The following SPG11 variants were observed in gnomAD, a reference collection of about 807,000 sequenced individuals.
The protein encoded by SPG11 is SPG11 vesicle trafficking associated, spatacsin, also known as spatacsin.
In SPG11, 222 loss-of-function variants were observed where a neutral mutation model predicts 274.0. The observed-to-expected ratio is 0.81, with a 90% CI of 0.73 to 0.91. The LOEUF (loss-of-function observed/expected upper bound fraction) is 0.91. Among genes scored for constraint, SPG11 ranks in the 40% least tolerant of loss-of-function variants. The pLI, the probability that SPG11 is intolerant of heterozygous loss-of-function variation, is 0.00. For missense variants in SPG11, 3,114 were observed against 2,872.7 expected, an observed-to-expected ratio of 1.08 and a Z score of -1.92; for synonymous variants, 1,144 against 1,039.7, an observed-to-expected ratio of 1.10 and a Z score of -1.93.
At chr15:44,657,710 G>C (rs1023722430) in intron 3 of SPG11, among the ~76,000 whole-genome samples, 1 of 152,134 alleles carries the variant, frequency 6.6e-6, no homozygotes, top group African/African-American at 2.4e-5. Context: ...TTTACTTAGA[G>C]CACATCTTAA....
chr15:44,585,960 G>A, intron 28 of SPG11, 110 bp from the exon 29 acceptor site: 1 of 834,092 alleles, frequency 1.2e-6, no homozygotes, highest in South Asian at 1.5e-5. Context: ...ATAGTAATGT[G>A]GTTAAAGGAA....
chr15:44,636,925 CAAAAAAAAAAAAAAAAA>C (rs370928375), intron 7 of SPG11, among the ~76,000 whole-genome samples: 1 of 19,454 alleles, frequency 5.1e-5, no homozygotes, highest in Non-Finnish European at 8.0e-5. Context: ...GACTCCATCT[CAAAAAAAAAAAAAAAAA>C]AAAAAAAAAA....
Position 44,566,311 on chromosome 15 carries a change from G to C in SPG11, c.6755-6C>G, listed in dbSNP as rs2140914474. The C allele has an allele frequency of 6.2e-7, 1 of 1,613,562 alleles. No individual in the cohort carries two copies. The highest frequency in any genetic ancestry group is 1.7e-5 in the Admixed American group (1 of 59,994). ...CCCATCCTTGAGGCTGTCCTCTGTA[G>C]GGGAAATAAAGAAGATTTGCCGAGT... is the stretch of plus-strand genomic sequence containing the variant. On this transcript the variant is annotated splice_region_variant and splice_polypyrimidine_tract_variant and intron_variant, in intron 36 of 39. Transcript: ENST00000261866.
intron 29 of SPG11, among the ~76,000 whole-genome samples, chr15:44,585,234 T>C (rs1280133321): frequency 1.3e-5 from 2 of 152,008 alleles, no homozygotes; most frequent in African/African-American, 4.8e-5. Flanking sequence ...CTATAAATTA[T>C]ACATCTCATT....
intron 20 of SPG11, among the ~76,000 whole-genome samples, chr15:44,603,494 A>C (rs1272929676): frequency 6.6e-6 from 1 of 152,242 alleles, no homozygotes; most frequent in Non-Finnish European, 1.5e-5. Flanking sequence ...ATAGAGCATG[A>C]ATATCTTAGA....
At chr15:44,621,454 A>G (rs1435565250) in intron 14 of SPG11, 1 of 367,070 alleles carries the variant, frequency 2.7e-6, no homozygotes, top group East Asian at 6.4e-5. Flanking sequence ...GATGGCATAG[A>G]TCCCCAATTT....
At chr15:44,566,075 C>T (rs916024339) in intron 37 of SPG11, 66 bp from the exon 38 acceptor site, 23 of 1,603,500 alleles carry the variant, frequency 1.4e-5, no homozygotes, top group Middle Eastern at 1.7e-4. Flanking sequence ...TGTGAACCCT[C>T]ACAACGGTAT....
intron 14 of SPG11, chr15:44,621,343 A>G (rs1345902275): frequency 6.4e-6 from 1 of 157,082 alleles, no homozygotes; most frequent in East Asian, 1.9e-4. Context: ...ATTAAAAATA[A>G]TAAACAAACA....
At position 44,613,541 on chromosome 15, in the gene SPG11, A is replaced by C. The variant is rs763224175; in HGVS notation, c.3039-5T>G. ...GGACAATTTTCAGGACTAAGTCTGTATATAAAACAAACAAAAACCTTCTTT... is the reference window on the plus strand; with the variant it reads ...GGACAATTTTCAGGACTAAGTCTGTCTATAAAACAAACAAAAACCTTCTTT... On this transcript the variant is annotated splice_region_variant and splice_polypyrimidine_tract_variant and intron_variant, in intron 16 of 39. Coordinates refer to ENST00000261866, the MANE Select transcript of SPG11 (RefSeq NM_025137.4). 16 of 1,589,212 alleles carry C rather than the reference A, an allele frequency of 1.0e-5. No individual in the cohort carries two copies. Among genetic ancestry groups the C allele is most frequent in the Admixed American group, 8.3e-5 (5 of 59,938 alleles).
At chr15:44,604,199 T>TA (rs748979322) in intron 20 of SPG11, 14,573 of 354,492 alleles carry the variant, frequency 0.041, 65 homozygotes, top group African/African-American at 0.072. Context: ...ACCTGATTCC[T>TA]AAAAAAAAAA....
At chr15:44,636,719 A>G (rs2084266037) in intron 7 of SPG11, among the ~76,000 whole-genome samples, 1 of 151,680 alleles carries the variant, frequency 6.6e-6, no homozygotes, top group Non-Finnish European at 1.5e-5. Context: ...TGAGGTTAGG[A>G]GTTTGAGACC....
chr15:44,571,502 T>C (rs895868997), intron 33 of SPG11, among the ~76,000 whole-genome samples: 4 of 148,268 alleles, frequency 2.7e-5, no homozygotes, highest in African/African-American at 9.9e-5. Flanking sequence ...TTTTCTTTTT[T>C]TTTTTTTTTT....
intron 33 of SPG11, among the ~76,000 whole-genome samples, chr15:44,571,714 A>G (rs932280665): frequency 1.5e-4 from 23 of 151,638 alleles, no homozygotes; most frequent in Non-Finnish European, 2.8e-4. Flanking sequence ...AGCCAGGATG[A>G]TCTCGATCTC....
intron 36 of SPG11, among the ~76,000 whole-genome samples, chr15:44,566,866 T>C (rs75340691): frequency 6.8e-6 from 1 of 147,322 alleles, no homozygotes; most frequent in African/African-American, 2.6e-5. Context: ...CACCTGGCTA[T>C]TTTTTTTTTG....
Position 44,613,423 on chromosome 15 carries a change from C to A in SPG11, c.3145+7G>T, listed in dbSNP as rs1327974130. 6.3e-7 allele frequency: 1 copy of A among 1,580,704 alleles called. No individual in the cohort carries two copies. The highest frequency in any genetic ancestry group is 1.3e-5 in the African/African-American group (1 of 74,190). ...AAGTTTCTGTGTTTAATACAGTATA[C>A]CCATACCTGTTAAGTTACTGGCAAC... On this transcript the variant is annotated splice_region_variant and intron_variant, in intron 17 of 39. Transcript: ENST00000261866.
chr15:44,654,808 C>T (rs1030642942), intron 4 of SPG11, among the ~76,000 whole-genome samples: 14 of 151,824 alleles, frequency 9.2e-5, no homozygotes, highest in Non-Finnish European at 1.8e-4. Flanking sequence ...TGCGCTCCAT[C>T]CCGGACAACA....
chr15:44,646,050 G>A (rs1219864666), intron 7 of SPG11, among the ~76,000 whole-genome samples: 2 of 152,158 alleles, frequency 1.3e-5, no homozygotes, highest in East Asian at 3.9e-4. Context: ...AATTAGCTCA[G>A]CCAATGTGGA....
chr15:44,569,447 A>G lies in SPG11; in HGVS notation c.6536T>C (p.Leu2179Pro), dbSNP rs925489704. 6.2e-7 allele frequency: 1 copy of G among 1,606,930 alleles called. No individual in the cohort carries two copies. The highest frequency in any genetic ancestry group is 8.5e-7 in the Non-Finnish European group (1 of 1,176,120). Residue 2179 changes from leucine (L) to proline (P), a missense_variant, in exon 35 of 40, where the codon CTG becomes CCG. Leu to Pro is a moderately conservative substitution (Grantham distance 98, BLOSUM62 -3). Coordinates refer to ENST00000261866, the MANE Select transcript of SPG11 (RefSeq NM_025137.4). ...CACTTCAAAGTAGTGCTTTTTATGC[A>G]GCAAATCAAATATGTATGTCATCTC... The part of the protein sequence containing the change: ...YNEMTYIFDL[L>P]HKKHYFEVLM...
chr15:44,633,349 AAAAAAAAAAAAAAGAAAG>A, intron 8 of SPG11, 138 bp downstream of exon 8: 1 of 306,084 alleles, frequency 3.3e-6, no homozygotes, highest in Non-Finnish European at 5.7e-6. Flanking sequence ...AAAAAAAAAA[AAAAAAAAAAAAAAGAAAG>A]TTTCCAAAAA....
Sources: gnomAD v4.1 joint callset for allele counts (sites outside exome capture counted in the v4.1 genomes callset) on GRCh38, gnomAD v4.1.1 for gene constraint, MANE v1.5 for transcripts, NCBI Gene and HGNC (gene_info 2026-07-23, HGNC 2026-07-21) for gene names.